The following TICRR variants were observed in gnomAD, a reference collection of about 807,000 sequenced individuals.
The protein encoded by TICRR is TOPBP1 interacting checkpoint and replication regulator.
Under a neutral mutation model 178.1 loss-of-function variants are expected in TICRR, and 132 were observed. That is an observed-to-expected ratio of 0.74 (90% confidence interval 0.64 to 0.86). TICRR has a LOEUF of 0.86. TICRR is among the 40% of genes least tolerant of loss of function. TICRR has a pLI of 0.00. For missense variants in TICRR, 2,587 were observed against 2,334.3 expected (o/e 1.11, Z -2.23); for synonymous variants, 991 against 900.7 (o/e 1.10, Z -1.79).
chr15:89,620,153 G>T (rs904380539), intron 18 of TICRR, among the ~76,000 whole-genome samples: 1 of 152,134 alleles, frequency 6.6e-6, no homozygotes, highest in Non-Finnish European at 1.5e-5. Context: ...GGTGATATCT[G>T]TGTTTACGTT....
intron 8 of TICRR, 26 bp from the exon 9 acceptor site, chr15:89,600,559 C>T (rs774984827): frequency 4.5e-6 from 5 of 1,099,236 alleles, no homozygotes. Context: ...ACACTATTCT[C>T]CTATGTAATA....
chr15:89,604,500 G>T (rs1013048369), intron 13 of TICRR, among the ~76,000 whole-genome samples: 1 of 152,196 alleles, frequency 6.6e-6, no homozygotes, highest in African/African-American at 2.4e-5. Context: ...ACGCCTGGGC[G>T]CAGTGGTTCA....
Position 89,602,902 on chromosome 15 carries a change from C to G in TICRR, c.2664+10C>G. Reference sequence around the variant, plus strand: ...GAGAGCTACGAAAAAAGTAAGTAAACCTTCCAGCTTGAGATGACACAGTAA... The same window carrying G: ...GAGAGCTACGAAAAAAGTAAGTAAAGCTTCCAGCTTGAGATGACACAGTAA... On this transcript the variant is annotated intron_variant, in intron 13 of 21. Transcript: ENST00000268138. 2 of 1,454,266 alleles carry G rather than the reference C, an allele frequency of 1.4e-6. No individual in the cohort carries two copies. The highest frequency in any genetic ancestry group is 1.8e-6 in the Non-Finnish European group (2 of 1,091,574). The allele number at this position is 1,454,266 out of a possible 1,614,324, so 90.1% of individuals were successfully genotyped here. A position where few individuals can be genotyped will look rare whatever the true frequency, so the allele number is the denominator to read the frequency against.
intron 13 of TICRR, among the ~76,000 whole-genome samples, chr15:89,604,345 T>C (rs931806302): frequency 6.6e-5 from 10 of 152,224 alleles, no homozygotes; most frequent in African/African-American, 2.4e-4. Context: ...TGATTGAAGA[T>C]TGGAAAATCC....
In TICRR at chr15:89,624,030, T is replaced by G. The variant is rs1451510190; in HGVS notation, c.3720T>G (p.Cys1240Trp). 1 of 1,613,264 alleles carries G rather than the reference T, an allele frequency of 6.2e-7. No individual in the cohort carries two copies. Among genetic ancestry groups the G allele is most frequent in the Non-Finnish European group, 8.5e-7 (1 of 1,179,828 alleles). ...TSSTAQPRRE[C>W]LTPIRDPLRT... ...CGACTGCCCAGCCCAGGAGAGAGTG[T>G]CTCACTCCCATCAGAGACCCTCTCA... The change falls in exon 20 of 22, where the codon TGT (cysteine) becomes TGG (tryptophan). Residue 1240 changes from cysteine (C) to tryptophan (W), a missense_variant. By Grantham distance (215) the Cys-to-Trp change is radical (BLOSUM62 -2). Coordinates refer to ENST00000268138, the MANE Select transcript of TICRR (RefSeq NM_152259.4).
chr15:89,593,753 C>T (rs916948949), intron 5 of TICRR, among the ~76,000 whole-genome samples: 1 of 152,170 alleles, frequency 6.6e-6, no homozygotes, highest in African/African-American at 2.4e-5. Context: ...AGCTGATAGA[C>T]CCAACACATA....
intron 8 of TICRR, among the ~76,000 whole-genome samples, chr15:89,599,999 G>A (rs935595698): frequency 6.6e-6 from 1 of 152,110 alleles, no homozygotes; most frequent in East Asian, 1.9e-4. Flanking sequence ...CCAGCTACTC[G>A]GGAGGCTGAG....
chr15:89,584,241 A>T (rs1400115280), intron 2 of TICRR, 45 bp from the exon 3 acceptor site: 7 of 1,518,496 alleles, frequency 4.6e-6, no homozygotes, highest in Admixed American at 4.4e-5. Context: ...ATCTTTTTTT[A>T]AAATTTTAAT....
chr15:89,619,867 C>T, intron 18 of TICRR, 25 bp downstream of exon 18: 2 of 1,589,990 alleles, frequency 1.3e-6, no homozygotes, highest in Non-Finnish European at 1.7e-6. Flanking sequence ...CCTCTGCCTT[C>T]ACAAGTCCGT....
intron 15 of TICRR, among the ~76,000 whole-genome samples, chr15:89,614,692 G>A (rs1310217042): frequency 6.6e-6 from 1 of 152,068 alleles, no homozygotes; most frequent in African/African-American, 2.4e-5. Flanking sequence ...AACCCTGCCA[G>A]GATTTGTTAT....
At chr15:89,594,300 G>T (rs993027918) in intron 5 of TICRR, 115 bp from the exon 6 acceptor site, 1 of 861,988 alleles carries the variant, frequency 1.2e-6, no homozygotes, top group African/African-American at 1.7e-5. Flanking sequence ...AAGGCATCTT[G>T]TGGGGACATC....
chr15:89,581,940 A>G (rs1375172834), intron 1 of TICRR, among the ~76,000 whole-genome samples: 1 of 152,160 alleles, frequency 6.6e-6, no homozygotes, highest in Non-Finnish European at 1.5e-5. Context: ...TGGGCAAGTC[A>G]GAGTGATGGT....
intron 18 of TICRR, among the ~76,000 whole-genome samples, chr15:89,621,104 C>T (rs530073632): frequency 6.6e-6 from 1 of 151,830 alleles, no homozygotes; most frequent in East Asian, 1.9e-4. Context: ...ACTGCAACCT[C>T]CACCTCCTGG....
At chr15:89,609,311 T>C (rs1402190132) in intron 15 of TICRR, among the ~76,000 whole-genome samples, 1 of 151,596 alleles carries the variant, frequency 6.6e-6, no homozygotes, top group Non-Finnish European at 1.5e-5. Flanking sequence ...CATGGTCTTA[T>C]CATGCTGCCC....
intron 15 of TICRR, 149 bp downstream of exon 15, chr15:89,609,098 A>ATATT: frequency 1.2e-5 from 2 of 167,360 alleles, no homozygotes; most frequent in Non-Finnish European, 9.8e-6. Flanking sequence ...AATTTTGTTA[A>ATATT]TCTTTTTTTT....
At position 89,625,266 on chromosome 15, in the gene TICRR, C is replaced by A. The variant is rs746058949; in HGVS notation, c.4956C>A (p.Gly1652=). 3.7e-6 allele frequency: 6 copies of A among 1,613,452 alleles called. No individual in the cohort carries two copies. Among genetic ancestry groups the A allele is most frequent in the Non-Finnish European group, 5.1e-6 (6 of 1,179,544 alleles). The part of the protein sequence containing the change: ...YICQACTPTH[G]PSSTPSPFQT... ...GCCAGGCCTGTACCCCCACCCACGG[C>A]CCTTCTAGTACCCCCTCTCCATTTC... The change falls in exon 20 of 22, where the codon GGC becomes GGA. Residue 1652 remains glycine (G), a synonymous_variant. Coordinates refer to ENST00000268138, the MANE Select transcript of TICRR (RefSeq NM_152259.4).
chr15:89,613,734 C>CTTTTTTTTTTT (rs34162195), intron 15 of TICRR, among the ~76,000 whole-genome samples: 1 of 61,570 alleles, frequency 1.6e-5, no homozygotes, highest in Non-Finnish European at 3.0e-5. Flanking sequence ...TTTCTATTCG[C>CTTTTTTTTTTT]TTTTTTTTTT....
Position 89,621,360 on chromosome 15 carries a change from G to T in TICRR, c.3155-33G>T. ...TATTGGAAGAACAGGAATTGAGAAA[G>T]AATTAAATATTGTTGCTGTTTTTGA... On this transcript the variant is annotated intron_variant, in intron 18 of 21. Coordinates refer to ENST00000268138, the MANE Select transcript of TICRR (RefSeq NM_152259.4). 4 of 1,583,802 alleles carry T rather than the reference G, an allele frequency of 2.5e-6. No individual in the cohort carries two copies. In the East Asian group the frequency reaches 6.7e-5, roughly 27 times the overall value.
rs762606644 is a variant in TICRR at position 89,616,515 on chromosome 15, G to A, written c.2960+20G>A. Reference sequence around the variant, plus strand: ...GGGCAGGTGAGTGACATCCCCATCCGGGCTTCTTCATACACCCACACCACC... The same window carrying A: ...GGGCAGGTGAGTGACATCCCCATCCAGGCTTCTTCATACACCCACACCACC... On this transcript the variant is annotated intron_variant, in intron 16 of 21. Coordinates refer to ENST00000268138, the MANE Select transcript of TICRR (RefSeq NM_152259.4). 3.2e-5 allele frequency: 51 copies of A among 1,609,244 alleles called. 2 individuals carry two copies. Among genetic ancestry groups the A allele is most frequent in the South Asian group, 2.8e-4 (25 of 90,592 alleles).
Sources: allele counts gnomAD v4.1 joint callset (sites outside exome capture counted in the v4.1 genomes callset), GRCh38; gene constraint gnomAD v4.1.1; transcripts MANE v1.5; gene names NCBI Gene and HGNC (gene_info 2026-07-23, HGNC 2026-07-21).